USP20: variants seen among roughly 807,000 people sequenced by gnomAD.
USP20 encodes the protein ubiquitin specific peptidase 20.
In USP20, 80 loss-of-function variants were observed where a neutral mutation model predicts 124.2. The observed-to-expected ratio is 0.64, with a 90% CI of 0.54 to 0.78. The LOEUF is 0.78. Ranked by LOEUF, USP20 falls within the 30% of genes least tolerant of loss-of-function variation. The pLI is 0.00. For synonymous variants in USP20, 481 were observed against 512.3 expected, an observed-to-expected ratio of 0.94 and a Z score of 0.83; for missense variants, 1,043 against 1,244.4, an observed-to-expected ratio of 0.84 and a Z score of 2.44.
In USP20 at chr9:129,879,612, T is replaced by G; in HGVS notation, c.2552T>G (p.Val851Gly). The change falls in exon 24 of 26, where the codon GTC becomes GGC. Residue 851 changes from valine (V) to glycine (G), a missense_variant. Physicochemically the swap from Val to Gly is moderately radical, Grantham distance 109. Coordinates refer to ENST00000372429, the MANE Select transcript of USP20 (RefSeq NM_001110303.4). This position sits in a 1 kb window ranked among gnomAD's most constrained non-coding sequence, Gnocchi z 4.2. ...ATTGACAACAGCAGGATTGCACAGG[T>G]CAAAGGAAGCGGCCATGTCCAGCTG... is the stretch of plus-strand genomic sequence containing the variant. ...GPIDNSRIAQ[V>G]KGSGHVQLKQ... 1 of 1,613,654 alleles carries G rather than the reference T, an allele frequency of 6.2e-7. No homozygotes were observed. The highest frequency in any genetic ancestry group is 2.2e-5 in the East Asian group (1 of 44,864).
Position 129,849,793 on chromosome 9 carries a change from T to TGCTCTGGTTCATCCCCCAG in USP20, c.-128-15_-125dup, listed in dbSNP as rs549377244. ...GTAATAATAACAGAACTGTGTGAAA[T>TGCTCTGGTTCATCCCCCAG]GCTCTGGTTCATCCCCCAGGCTCCT... On this transcript the variant is annotated intron_variant, in intron 1 of 25. Transcript: ENST00000372429. The TGCTCTGGTTCATCCCCCAG allele has an allele frequency of 3.9e-5, 6 of 152,302 alleles. No homozygotes were observed. In the East Asian group the frequency reaches 7.7e-4, roughly 20 times the overall value. 9.4% of individuals were successfully genotyped at this position (152,302 alleles called of 1,614,324 possible).
At position 129,874,712 on chromosome 9, in the gene USP20, C is replaced by T. The variant is rs779313507; in HGVS notation, c.1877C>T (p.Thr626Ile). The T allele has an allele frequency of 2.5e-6, 4 of 1,614,020 alleles. No individual in the cohort carries two copies. Among genetic ancestry groups the T allele is most frequent in the East Asian group, 2.2e-5 (1 of 44,878 alleles). The change falls in exon 18 of 26, where the codon ACC becomes ATC. Residue 626 changes from threonine to isoleucine, a missense_variant. Physicochemically the swap from Thr to Ile is moderately conservative, Grantham distance 89. Coordinates refer to ENST00000372429, the MANE Select transcript of USP20 (RefSeq NM_001110303.4). ...LAKECTSQIT[T>I]YDLLSVICHH... is the part of the protein sequence containing the mutation. ...AAGGAGTGCACATCCCAGATCACCA[C>T]CTACGACCTCCTCTCGGTCATCTGC... is the stretch of plus-strand genomic sequence containing the variant.
In USP20 at chr9:129,875,621, C is replaced by T. The variant is rs764344319; in HGVS notation, c.2280C>T (p.Val760=). The change falls in exon 21 of 26, where the codon GTC becomes GTT. Residue 760 remains valine, a synonymous_variant. Transcript: ENST00000372429. The part of the protein sequence containing the change: ...DDLVVILPQN[V]WEHLYNRFGG... ...TGGTGGTCATCCTGCCCCAGAACGT[C>T]TGGGAGCACCTGTACAACAGGTGAG... 1 of 1,614,042 alleles carries T rather than the reference C, an allele frequency of 6.2e-7. No homozygotes were observed. The highest frequency in any genetic ancestry group is 1.7e-5 in the Admixed American group (1 of 60,020).
chr9:129,871,396 G>A (rs1160445020), intron 15 of USP20, among the ~76,000 whole-genome samples: 2 of 152,150 alleles, frequency 1.3e-5, no homozygotes, highest in Admixed American at 6.5e-5. Context: ...TGTGTGGATG[G>A]CTGGGGCCTT....
At chr9:129,843,538 C>A (rs1198366569) in intron 1 of USP20, among the ~76,000 whole-genome samples, 1 of 152,060 alleles carries the variant, frequency 6.6e-6, no homozygotes, top group Non-Finnish European at 1.5e-5. Flanking sequence ...AGTTCAAGAC[C>A]AGCCTGACCA....
In USP20 at chr9:129,865,331, T is replaced by C; in HGVS notation, c.640T>C (p.Ser214Pro). 1 of 1,614,184 alleles carries C rather than the reference T, an allele frequency of 6.2e-7. No individual in the cohort carries two copies. The highest frequency in any genetic ancestry group is 1.1e-5 in the South Asian group (1 of 91,076). ...AAGCTACGTGGTCCCCACCAGTCTG[T>C]CTCATGGGATCAAGTTGGTCAACCC... ...RPSYVVPTSL[S>P]HGIKLVNPMF... The change falls in exon 10 of 26, where the codon TCT becomes CCT. Residue 214 changes from serine to proline, a missense_variant. By Grantham distance (74) the Ser-to-Pro change is moderately conservative (BLOSUM62 -1). Transcript: ENST00000372429.
At chr9:129,856,213 C>G (rs552847402) in intron 3 of USP20, 94 bp from the exon 4 acceptor site, 1 of 1,286,516 alleles carries the variant, frequency 7.8e-7, no homozygotes, top group African/African-American at 1.5e-5. Flanking sequence ...GCATGTCAGC[C>G]AGGTGGGGCC....
In USP20 at chr9:129,852,569, G is replaced by T; in HGVS notation, c.14G>T (p.Arg5Met). Residue 5 changes from arginine (R) to methionine (M), a missense_variant, in exon 3 of 26, where the codon AGG (arginine) becomes ATG (methionine). Coordinates refer to ENST00000372429, the MANE Select transcript of USP20 (RefSeq NM_001110303.4). MGDS[R>M]DLCPHLDSIG... ...GCCCAGGCCAGGATGGGGGACTCCAGGGACCTTTGCCCTCACCTTGACTCC... is the reference window on the plus strand; with the variant it reads ...GCCCAGGCCAGGATGGGGGACTCCATGGACCTTTGCCCTCACCTTGACTCC... The T allele has an allele frequency of 6.3e-7, 1 of 1,597,602 alleles. No individual in the cohort carries two copies. The highest frequency in any genetic ancestry group is 8.5e-7 in the Non-Finnish European group (1 of 1,171,422).
At chr9:129,840,337 CTG>C (rs2032128768) in intron 1 of USP20, among the ~76,000 whole-genome samples, 1 of 152,166 alleles carries the variant, frequency 6.6e-6, no homozygotes, top group African/African-American at 2.4e-5. Context: ...CATTCCTCCT[CTG>C]TGAGATGAGA....
chr9:129,877,167 C>CA, intron 22 of USP20, among the ~76,000 whole-genome samples: 1 of 152,220 alleles, frequency 6.6e-6, no homozygotes, highest in East Asian at 1.9e-4. Flanking sequence ...GTGTTCCACT[C>CA]ACAGGGAGGG....
At chr9:129,851,424 A>G (rs1304242957) in intron 2 of USP20, among the ~76,000 whole-genome samples, 3 of 152,156 alleles carry the variant, frequency 2.0e-5, no homozygotes, top group African/African-American at 7.2e-5. Context: ...ATCCCAGCTA[A>G]TAATACATCT....
Position 129,875,442 on chromosome 9 carries a change from C to G in USP20, c.2181C>G (p.Gly727=), listed in dbSNP as rs765430545. The change falls in exon 20 of 26, where the codon GGC becomes GGG. Residue 727 remains glycine, a synonymous_variant. Transcript: ENST00000372429. ...LNKFNTFAEP[G]PITNQTFLCS... is the part of the protein sequence containing the mutation. ...AGTTCAACACCTTCGCGGAGCCAGG[C>G]CCCATCACCAACCAGACCTTCCTCT... 3.1e-6 allele frequency: 5 copies of G among 1,613,552 alleles called. No homozygotes were observed. In the East Asian group the frequency reaches 8.9e-5, roughly 29 times the overall value.
At chr9:129,846,260 T>TA (rs1454520946) in intron 1 of USP20, among the ~76,000 whole-genome samples, 11 of 124,544 alleles carry the variant, frequency 8.8e-5, no homozygotes, top group African/African-American at 3.2e-4. Flanking sequence ...TTTTTTTTTT[T>TA]TTTTTTTTTT....
rs1319210117 is a variant in USP20 at position 129,868,986 on chromosome 9, G to A, written c.1260G>A (p.Ser420=). ...CAAGCCCCGTGAGGATGGCACCGTC[G>A]TACGTGCTCAAGAAAGGTTCGGGGG... ...PRASPVRMAP[S]YVLKKAQVLS... is the part of the protein sequence containing the mutation. Residue 420 remains serine (S), a synonymous_variant, in exon 12 of 26, where the codon TCG becomes TCA. Transcript: ENST00000372429. 3.1e-6 allele frequency: 5 copies of A among 1,610,212 alleles called. No homozygotes were observed. Among genetic ancestry groups the A allele is most frequent in the South Asian group, 1.1e-5 (1 of 90,798 alleles).
In USP20 at chr9:129,875,431, G is replaced by A. The variant is rs184522208; in HGVS notation, c.2170G>A (p.Ala724Thr). 9 of 1,613,670 alleles carry A rather than the reference G, an allele frequency of 5.6e-6. No individual in the cohort carries two copies. Among genetic ancestry groups the A allele is most frequent in the South Asian group, 1.1e-5 (1 of 91,078 alleles). Residue 724 changes from alanine (A) to threonine (T), a missense_variant, in exon 20 of 26, where the codon GCG (alanine) becomes ACG (threonine). Coordinates refer to ENST00000372429, the MANE Select transcript of USP20 (RefSeq NM_001110303.4). The part of the protein sequence containing the change: ...REWLNKFNTF[A>T]EPGPITNQTF... The stretch of plus-strand genomic sequence containing the variant: ...GTGGCTCAACAAGTTCAACACCTTC[G>A]CGGAGCCAGGCCCCATCACCAACCA...
rs138148705 is a variant in USP20, at chr9:129,849,636, A to G, written c.-128-177A>G. Among the ~76,000 whole-genome samples, 194 of 152,192 alleles carry G rather than the reference A, an allele frequency of 1.3e-3. 1 individual carries two copies. The highest frequency in any genetic ancestry group is 4.4e-3 in the African/African-American group (183 of 41,514). On this transcript the variant is annotated intron_variant, in intron 1 of 25. Coordinates refer to ENST00000372429, the MANE Select transcript of USP20 (RefSeq NM_001110303.4). The stretch of plus-strand genomic sequence containing the variant: ...AAATTAGGTGGGTGTGGTGGTGCAC[A>G]CCTATAGTCCCAGCTACTTGGGAAG...
rs149539101 is a variant in USP20, at chr9:129,874,780, C to T, written c.1921+24C>T. 52 of 1,613,742 alleles carry T rather than the reference C, an allele frequency of 3.2e-5. 1 individual carries two copies. The South Asian group carries it at 3.6e-4, about 11-fold the overall frequency. ...CAGTGAGTCATGTCCCCTCCCCTGC[C>T]GTCCCCATCCGCTAGGATCCCTGTG... On this transcript the variant is annotated intron_variant, in intron 18 of 25. Transcript: ENST00000372429.
chr9:129,850,136 T>C lies in USP20; in HGVS notation c.-17+212T>C, dbSNP rs117197170. ...AGCAGGAGGTTGAGATGAAGCAAGA[T>C]TGGCCATGAGTTGTTAATTGATGAG... On this transcript the variant is annotated intron_variant, in intron 2 of 25. Coordinates refer to ENST00000372429, the MANE Select transcript of USP20 (RefSeq NM_001110303.4). Among the ~76,000 whole-genome samples the C allele has an allele frequency of 3.9e-4, 60 of 152,246 alleles. 1 individual carries two copies. In the East Asian group the frequency reaches 0.01, roughly 26 times the overall value.
chr9:129,874,785 C>T (rs1351989751), intron 18 of USP20, 29 bp downstream of exon 18: 1 of 1,613,854 alleles, frequency 6.2e-7, no homozygotes, highest in Admixed American at 1.7e-5. Flanking sequence ...CCTGCCGTCC[C>T]CATCCGCTAG....
Sources: gnomAD v4.1 joint callset for allele counts (sites outside exome capture counted in the v4.1 genomes callset) on GRCh38, gnomAD v4.1.1 for gene constraint, Gnocchi (gnomAD v3.1) non-coding constraint, MANE v1.5 for transcripts, NCBI Gene and HGNC (gene_info 2026-07-23, HGNC 2026-07-21) for gene names.